Variants in PKNOX2 observed in about 807,000 individuals in gnomAD.
PKNOX2 encodes the protein PBX/knotted 1 homeobox 2, also known as homeobox protein PKNOX2.
PKNOX2 carries 14 observed loss-of-function variants against 53.1 expected under a neutral mutation model. That is an observed-to-expected ratio of 0.26 (90% CI 0.17 to 0.41). PKNOX2 has a LOEUF of 0.41. Ranked by LOEUF, PKNOX2 falls within the 10% of genes least tolerant of loss-of-function variation. PKNOX2 has a pLI of 1.00. For synonymous variants in PKNOX2, 257 were observed against 242.8 expected (o/e 1.06, Z -0.54); for missense variants, 496 against 602.8 (o/e 0.82, Z 1.85).
At chr11:125,271,559 A>G (rs1336765025) in intron 2 of PKNOX2, among the ~76,000 whole-genome samples, 4 of 152,196 alleles carry the variant, frequency 2.6e-5, no homozygotes. Flanking sequence ...CCATGCTGGC[A>G]CTGTATCAGA....
At chr11:125,427,450 A>T (rs940232212) in intron 10 of PKNOX2, among the ~76,000 whole-genome samples, 1 of 152,224 alleles carries the variant, frequency 6.6e-6, no homozygotes, top group Non-Finnish European at 1.5e-5. Context: ...TCCACCGATA[A>T]TGCGAGTACC....
chr11:125,191,930 A>T lies in PKNOX2; in HGVS notation c.-201+27154A>T, dbSNP rs139918832. Among the ~76,000 whole-genome samples, 441 of 152,352 alleles carry T rather than the reference A, an allele frequency of 2.9e-3. 2 individuals are homozygous for T. The highest frequency in any genetic ancestry group is 0.017 in the Middle Eastern group (5 of 294). On this transcript the variant is annotated intron_variant, in intron 1 of 12. Transcript: ENST00000298282. ...ATCTCGAATCCCTTTCTACTGCTCCAGTGTGGTGCTTCGCGCTGTCAATAG... is the reference window on the plus strand; with the variant it reads ...ATCTCGAATCCCTTTCTACTGCTCCTGTGTGGTGCTTCGCGCTGTCAATAG...
chr11:125,305,901 G>A (rs994501120), intron 2 of PKNOX2, among the ~76,000 whole-genome samples: 2 of 152,172 alleles, frequency 1.3e-5, no homozygotes, highest in Non-Finnish European at 2.9e-5. Context: ...ACCAAAGATC[G>A]TTATTTTTGA....
chr11:125,338,299 C>G (rs1950522097), intron 3 of PKNOX2, among the ~76,000 whole-genome samples: 1 of 152,236 alleles, frequency 6.6e-6, no homozygotes, highest in African/African-American at 2.4e-5. Flanking sequence ...TAAGTGAGCT[C>G]TTTTTCTCAC....
At chr11:125,333,370 A>T (rs1161443100) in intron 3 of PKNOX2, among the ~76,000 whole-genome samples, 1 of 152,180 alleles carries the variant, frequency 6.6e-6, no homozygotes, top group Non-Finnish European at 1.5e-5. Flanking sequence ...GCCTGGGAGA[A>T]TGGAGGTGTT....
At chr11:125,248,538 A>T (rs1267298975) in intron 2 of PKNOX2, among the ~76,000 whole-genome samples, 2 of 151,816 alleles carry the variant, frequency 1.3e-5, no homozygotes, top group African/African-American at 4.8e-5. Flanking sequence ...TATAAGACAC[A>T]TCATATACTG....
intron 2 of PKNOX2, among the ~76,000 whole-genome samples, chr11:125,258,254 T>C (rs1404931544): frequency 6.6e-6 from 1 of 151,976 alleles, no homozygotes; most frequent in Admixed American, 6.6e-5. Context: ...CATAACTTTT[T>C]CCCCCTCTTT....
intron 5 of PKNOX2, among the ~76,000 whole-genome samples, chr11:125,379,656 G>A (rs1253514322): frequency 1.3e-5 from 2 of 152,102 alleles, no homozygotes; most frequent in Non-Finnish European, 2.9e-5. Context: ...AAGAGAGAGG[G>A]TGGTGCTAAC....
intron 2 of PKNOX2, among the ~76,000 whole-genome samples, chr11:125,254,826 C>T (rs1205202616): frequency 2.2e-5 from 2 of 90,514 alleles, no homozygotes; most frequent in Non-Finnish European, 3.3e-5. Context: ...AGTCTGAGGT[C>T]CCAAGGGGCT....
chr11:125,385,152 T>C (rs1224779202), intron 5 of PKNOX2, among the ~76,000 whole-genome samples: 1 of 152,202 alleles, frequency 6.6e-6, no homozygotes, highest in African/African-American at 2.4e-5. Flanking sequence ...ATCTATGACC[T>C]ACCACGAATG....
intron 2 of PKNOX2, chr11:125,288,010 G>A (rs1947022111): frequency 1.3e-5 from 2 of 152,288 alleles, no homozygotes; most frequent in African/African-American, 4.8e-5. Context: ...TGTGAAACAT[G>A]CTCTGGGATT....
chr11:125,423,200 G>T (rs1220013273), intron 10 of PKNOX2, among the ~76,000 whole-genome samples: 3 of 152,098 alleles, frequency 2.0e-5, no homozygotes, highest in Non-Finnish European at 2.9e-5. Context: ...TTTGCCCAAG[G>T]TCTCACGCCG....
intron 1 of PKNOX2, among the ~76,000 whole-genome samples, chr11:125,181,214 G>A (rs1355552542): frequency 6.6e-6 from 1 of 152,172 alleles, no homozygotes; most frequent in East Asian, 1.9e-4. Flanking sequence ...AAAGCCACAC[G>A]GCTAGTAAGA....
chr11:125,359,499 C>A (rs974936991), intron 4 of PKNOX2, among the ~76,000 whole-genome samples: 1 of 152,226 alleles, frequency 6.6e-6, no homozygotes, highest in Non-Finnish European at 1.5e-5. Context: ...TACTCCAACT[C>A]GCCTGAGCAG....
chr11:125,170,896 G>T (rs1050137466), intron 1 of PKNOX2, among the ~76,000 whole-genome samples: 8 of 150,632 alleles, frequency 5.3e-5, no homozygotes, highest in African/African-American at 1.9e-4. Flanking sequence ...GTAACTGTTA[G>T]TTTTCTGCTT....
chr11:125,295,909 T>C (rs1055839200), intron 2 of PKNOX2, among the ~76,000 whole-genome samples: 2 of 152,170 alleles, frequency 1.3e-5, no homozygotes, highest in Non-Finnish European at 2.9e-5. Context: ...TTCAAGAATG[T>C]TCTTCTGTTC....
At chr11:125,239,378 C>A (rs891980690) in intron 2 of PKNOX2, among the ~76,000 whole-genome samples, 5 of 152,192 alleles carry the variant, frequency 3.3e-5, no homozygotes, top group African/African-American at 1.2e-4. Flanking sequence ...ACCCCAGTGA[C>A]CCCTAAGGAA....
chr11:125,185,319 C>T (rs1333285345), intron 1 of PKNOX2, among the ~76,000 whole-genome samples: 2 of 152,116 alleles, frequency 1.3e-5, no homozygotes, highest in Non-Finnish European at 2.9e-5. Context: ...TAAGAAATTA[C>T]ACAATTACAC....
chr11:125,429,026 G>A lies in PKNOX2; in HGVS notation c.951G>A (p.Thr317=), dbSNP rs375717927. ...LFQHLMHPYP[T]EDEKRQIAAQ... The stretch of plus-strand genomic sequence containing the variant: ...TCTCGTTTCAGCACCCCTACCCCAC[G>A]GAGGATGAGAAGAGGCAGATCGCAG... Residue 317 remains threonine, a synonymous_variant, in exon 11 of 13, where the codon ACG becomes ACA. Transcript: ENST00000298282. 46 of 1,613,568 alleles carry A rather than the reference G, an allele frequency of 2.9e-5. No homozygotes were observed. The highest frequency in any genetic ancestry group is 2.8e-4 in the African/African-American group (21 of 74,886).
Sources: gnomAD v4.1 joint callset for allele counts (sites outside exome capture counted in the v4.1 genomes callset) on GRCh38, gnomAD v4.1.1 for gene constraint, MANE v1.5 for transcripts, NCBI Gene and HGNC (gene_info 2026-07-23, HGNC 2026-07-21) for gene names.